Variants in PCDH17 observed in about 807,000 individuals in gnomAD.
The protein encoded by PCDH17 is protocadherin-17.
PCDH17 carries 21 observed loss-of-function variants against 67.7 expected under a neutral mutation model. The ratio of observed to expected loss-of-function variants is 0.31; its 90% confidence interval spans 0.22 to 0.45. PCDH17 has a LOEUF of 0.45. Among genes scored for constraint, PCDH17 ranks in the 20% least tolerant of loss-of-function variants. The probability of loss-of-function intolerance (pLI) is 1.00; values close to 1 mark genes in which losing one functional copy is unlikely to be tolerated. For missense variants in PCDH17, 1,471 were observed against 1,564.8 expected (o/e 0.94, Z 1.01); for synonymous variants, 701 against 656.7 (o/e 1.07, Z -1.03).
At chr13:57,687,444 T>A (rs2138056864) in intron 3 of PCDH17, among the ~76,000 whole-genome samples, 1 of 152,158 alleles carries the variant, frequency 6.6e-6, no homozygotes, top group Non-Finnish European at 1.5e-5. Context: ...AGTAGCTAGC[T>A]ATTAGATTAA....
intron 3 of PCDH17, among the ~76,000 whole-genome samples, chr13:57,670,593 T>G (rs2138030493): frequency 6.6e-6 from 1 of 150,614 alleles, no homozygotes; most frequent in South Asian, 2.1e-4. Context: ...TTTTCCAATT[T>G]AAATGATCTC....
chr13:57,697,439 A>G (rs1204962540), intron 3 of PCDH17, among the ~76,000 whole-genome samples: 1 of 151,690 alleles, frequency 6.6e-6, no homozygotes, highest in Admixed American at 6.6e-5. Flanking sequence ...ACATAGAAAA[A>G]AAATTCATTG....
chr13:57,708,182 G>T (rs1955738808), intron 3 of PCDH17, among the ~76,000 whole-genome samples: 1 of 151,902 alleles, frequency 6.6e-6, no homozygotes, highest in African/African-American at 2.4e-5. Context: ...ACTGAGTTTG[G>T]ATTATTATCA....
intron 3 of PCDH17, among the ~76,000 whole-genome samples, chr13:57,712,000 A>G (rs1183828780): frequency 6.6e-6 from 1 of 151,590 alleles, no homozygotes; most frequent in East Asian, 1.9e-4. Context: ...ACTCAATAAG[A>G]AAAAAGCCTA....
At chr13:57,704,346 A>G (rs781634941) in intron 3 of PCDH17, among the ~76,000 whole-genome samples, 2 of 152,080 alleles carry the variant, frequency 1.3e-5, no homozygotes, top group Non-Finnish European at 2.9e-5. Flanking sequence ...GCTTTCTAAA[A>G]CAGTCTAGTA....
At chr13:57,637,456 G>C (rs1954838016) in intron 1 of PCDH17, among the ~76,000 whole-genome samples, 1 of 150,860 alleles carries the variant, frequency 6.6e-6, no homozygotes, top group Non-Finnish European at 1.5e-5. Flanking sequence ...TTTTAAACTA[G>C]TGTGTCGCAA....
At chr13:57,711,740 A>T (rs990621456) in intron 3 of PCDH17, among the ~76,000 whole-genome samples, 1 of 151,414 alleles carries the variant, frequency 6.6e-6, no homozygotes, top group Non-Finnish European at 1.5e-5. Context: ...TTACTATAAC[A>T]TAATCATTTT....
At chr13:57,662,159 A>G (rs1319206547) in intron 1 of PCDH17, among the ~76,000 whole-genome samples, 1 of 152,064 alleles carries the variant, frequency 6.6e-6, no homozygotes, top group African/African-American at 2.4e-5. Flanking sequence ...GAGCCACCAT[A>G]CTGGGCCCAA....
At chr13:57,686,298 C>G (rs76088512) in intron 3 of PCDH17, among the ~76,000 whole-genome samples, 5,121 of 151,930 alleles carry the variant, frequency 0.034, 278 homozygotes, top group African/African-American at 0.11. Flanking sequence ...TTAAAAATTA[C>G]TAACGTTAGC....
At chr13:57,638,872 G>A (rs1954856843) in intron 1 of PCDH17, among the ~76,000 whole-genome samples, 2 of 152,050 alleles carry the variant, frequency 1.3e-5, no homozygotes, top group Middle Eastern at 3.4e-3. Context: ...AGTACAGGAA[G>A]ATCTTCACTA....
intron 1 of PCDH17, among the ~76,000 whole-genome samples, chr13:57,662,878 T>C (rs141891608): frequency 0.017 from 2,608 of 152,266 alleles, 49 homozygotes; most frequent in Middle Eastern, 0.034. Flanking sequence ...GCTCACTTGT[T>C]TATTTTCCTG....
intron 1 of PCDH17, among the ~76,000 whole-genome samples, chr13:57,659,035 G>A (rs1593907358): frequency 6.6e-6 from 1 of 151,818 alleles, no homozygotes; most frequent in African/African-American, 2.4e-5. Flanking sequence ...GAAATTTCCT[G>A]AATATCTCAT....
chr13:57,687,862 C>A (rs1269503210), intron 3 of PCDH17, among the ~76,000 whole-genome samples: 1 of 151,910 alleles, frequency 6.6e-6, no homozygotes, highest in African/African-American at 2.4e-5. Flanking sequence ...GGAGGGAGCT[C>A]CCCCAGTGGA....
intron 3 of PCDH17, among the ~76,000 whole-genome samples, chr13:57,687,417 G>T (rs931258567): frequency 4.0e-5 from 6 of 151,854 alleles, no homozygotes; most frequent in Non-Finnish European, 5.9e-5. Context: ...TAGGTGTTTT[G>T]ATGTGTTCAG....
At chr13:57,657,739 T>C (rs1955124472) in intron 1 of PCDH17, among the ~76,000 whole-genome samples, 1 of 152,248 alleles carries the variant, frequency 6.6e-6, no homozygotes, top group African/African-American at 2.4e-5. Context: ...AACAAACTTC[T>C]GTCCCTAATT....
chr13:57,705,677 CA>C (rs1415448551), intron 3 of PCDH17, among the ~76,000 whole-genome samples: 1 of 151,958 alleles, frequency 6.6e-6, no homozygotes, highest in Non-Finnish European at 1.5e-5. Context: ...AGAAATCAAA[CA>C]CAGTACACAA....
Position 57,666,506 on chromosome 13 carries a change from C to T in PCDH17, c.2604C>T (p.Ser868=). ...NFPAEPNYMG[S]RQQFVQSSST... ...CCGCAGAGCCCAATTACATGGGCAGCAGGCAGCAGTTTGTTCAAAGGTAAG... is the reference window on the plus strand; with the variant it reads ...CCGCAGAGCCCAATTACATGGGCAGTAGGCAGCAGTTTGTTCAAAGGTAAG... The change falls in exon 2 of 4, where the codon AGC becomes AGT. Residue 868 remains serine (S), a synonymous_variant. Transcript: ENST00000377918. 1 of 1,613,674 alleles carries T rather than the reference C, an allele frequency of 6.2e-7. No homozygotes were observed. Among genetic ancestry groups the T allele is most frequent in the Non-Finnish European group, 8.5e-7 (1 of 1,179,650 alleles).
At chr13:57,668,291 C>T (rs972176765) in intron 3 of PCDH17, among the ~76,000 whole-genome samples, 1 of 151,934 alleles carries the variant, frequency 6.6e-6, no homozygotes, top group Non-Finnish European at 1.5e-5. Flanking sequence ...GAGATAGACC[C>T]ATCTATGTGA....
At chr13:57,680,471 A>G (rs1006840463) in intron 3 of PCDH17, among the ~76,000 whole-genome samples, 21 of 151,650 alleles carry the variant, frequency 1.4e-4, no homozygotes, top group Non-Finnish European at 2.2e-4. Context: ...TTAGGGTCAG[A>G]TTATGAAGGA....
Sources: allele counts gnomAD v4.1 joint callset (sites outside exome capture counted in the v4.1 genomes callset), GRCh38; gene constraint gnomAD v4.1.1; transcripts MANE v1.5; gene names NCBI Gene and HGNC (gene_info 2026-07-23, HGNC 2026-07-21).